NAV2: variants seen among roughly 807,000 people sequenced by gnomAD.
The protein encoded by NAV2 is helicase, APC down-regulated 1.
NAV2 carries 54 observed loss-of-function variants against 223.2 expected under a neutral mutation model. That is an observed-to-expected ratio of 0.24 (90% CI 0.19 to 0.30). The LOEUF is 0.30. Among genes scored for constraint, NAV2 ranks in the 10% least tolerant of loss-of-function variants. The pLI, the probability that NAV2 is intolerant of heterozygous loss-of-function variation, is 1.00. For synonymous variants in NAV2, 1,279 were observed against 1,239.3 expected (o/e 1.03, Z -0.67); for missense variants, 2,806 against 3,147.5 (o/e 0.89, Z 2.60).
At chr11:19,692,950 G>A (rs1397376700) in intron 1 of NAV2, among the ~76,000 whole-genome samples, 2 of 152,228 alleles carry the variant, frequency 1.3e-5, no homozygotes, top group Non-Finnish European at 2.9e-5. Flanking sequence ...GAACAGGGCA[G>A]CCAAGGCTGC....
At chr11:19,618,828 A>T (rs1383032208) in intron 1 of NAV2, among the ~76,000 whole-genome samples, 1 of 151,728 alleles carries the variant, frequency 6.6e-6, no homozygotes, top group Non-Finnish European at 1.5e-5. Context: ...GTAAGAAGGA[A>T]GATGGCCTCT....
chr11:19,991,435 A>G (rs189881254), intron 11 of NAV2, among the ~76,000 whole-genome samples: 186 of 152,224 alleles, frequency 1.2e-3, no homozygotes, highest in Middle Eastern at 0.01. Flanking sequence ...TCCAAGATAA[A>G]TACTCTAATT....
At chr11:19,444,489 T>C (rs1851512842) in intron 1 of NAV2, among the ~76,000 whole-genome samples, 1 of 152,162 alleles carries the variant, frequency 6.6e-6, no homozygotes, top group Non-Finnish European at 1.5e-5. Flanking sequence ...CTTGCTGTGG[T>C]TTAACCATGT....
intron 14 of NAV2, 150 bp downstream of exon 14, chr11:20,045,820 A>G: frequency 1.5e-6 from 1 of 674,292 alleles, no homozygotes; most frequent in South Asian, 2.0e-5. Flanking sequence ...GCAGTTTTGC[A>G]GTTGACTATT....
intron 1 of NAV2, among the ~76,000 whole-genome samples, chr11:19,686,336 G>T (rs1478658405): frequency 6.6e-6 from 1 of 152,162 alleles, no homozygotes; most frequent in Non-Finnish European, 1.5e-5. Context: ...GCTCCAGGAA[G>T]GTGGGATCCT....
At position 19,470,077 on chromosome 11, in the gene NAV2, G is replaced by A. The variant is rs1038613231; in HGVS notation, c.75+119050G>A. ...CTGCTCCACTGGGGCTGAGGTAGGGGTGGAAGACCTGGAAGAGCCAGTGAA... is the reference window on the plus strand; with the variant it reads ...CTGCTCCACTGGGGCTGAGGTAGGGATGGAAGACCTGGAAGAGCCAGTGAA... On this transcript the variant is annotated intron_variant, in intron 1 of 37. Transcript: ENST00000360655. Among the ~76,000 whole-genome samples, 6 of 152,356 alleles carry A rather than the reference G, an allele frequency of 3.9e-5. 2 individuals carry two copies. The highest frequency in any genetic ancestry group is 3.9e-4 in the Admixed American group (6 of 15,310).
At chr11:19,689,468 A>G (rs1178406965) in intron 1 of NAV2, among the ~76,000 whole-genome samples, 1 of 152,232 alleles carries the variant, frequency 6.6e-6, no homozygotes, top group Admixed American at 6.5e-5. Context: ...AGCTGGCCAC[A>G]AGGCTGGCAA....
chr11:19,425,070 A>C (rs951225312), intron 1 of NAV2, among the ~76,000 whole-genome samples: 7 of 152,190 alleles, frequency 4.6e-5, no homozygotes, highest in African/African-American at 1.4e-4. Flanking sequence ...CATTTGTGGA[A>C]TACAACCTTG....
intron 11 of NAV2, among the ~76,000 whole-genome samples, chr11:20,003,508 G>A (rs1229450555): frequency 2.6e-5 from 4 of 152,088 alleles, no homozygotes; most frequent in African/African-American, 4.8e-5. Flanking sequence ...TATACTGAGC[G>A]ACTCCCAGGG....
intron 1 of NAV2, among the ~76,000 whole-genome samples, chr11:19,387,733 G>A (rs993931659): frequency 2.0e-5 from 3 of 152,158 alleles, no homozygotes; most frequent in Non-Finnish European, 4.4e-5. Context: ...GAACAACTCT[G>A]TAGTCATTTG....
At chr11:19,524,476 C>T (rs1439082990) in intron 1 of NAV2, among the ~76,000 whole-genome samples, 1 of 152,192 alleles carries the variant, frequency 6.6e-6, no homozygotes, top group African/African-American at 2.4e-5. Context: ...TGACAGATGG[C>T]CCGGCTCTGC....
chr11:19,794,936 G>A (rs533611727), intron 1 of NAV2, among the ~76,000 whole-genome samples: 21 of 152,272 alleles, frequency 1.4e-4, no homozygotes, highest in Middle Eastern at 3.4e-3. Context: ...GAAAACAATT[G>A]CAATAAAGAC....
intron 36 of NAV2, 34 bp from the exon 37 acceptor site, chr11:20,114,558 A>G (rs754353516): frequency 6.2e-7 from 1 of 1,603,318 alleles, no homozygotes; most frequent in Non-Finnish European, 8.5e-7. Context: ...GATCTGGGCC[A>G]CTTCCAGACT....
Position 20,078,116 on chromosome 11 carries a change from G to C in NAV2, c.5179+12G>C. The C allele has an allele frequency of 6.3e-7, 1 of 1,599,916 alleles. No individual in the cohort carries two copies. The highest frequency in any genetic ancestry group is 8.6e-7 in the Non-Finnish European group (1 of 1,168,198). ...GCTCAACTGCAAAGGTAAAGTAAGG[G>C]AAACAGCCTTTAGCCAGAAGACCTG... is the stretch of plus-strand genomic sequence containing the variant. On this transcript the variant is annotated intron_variant, in intron 24 of 37. Transcript: ENST00000349880.
At chr11:19,549,968 G>A (rs2044636377) in intron 1 of NAV2, among the ~76,000 whole-genome samples, 1 of 152,240 alleles carries the variant, frequency 6.6e-6, no homozygotes, top group African/African-American at 2.4e-5. Flanking sequence ...AAGCAAAATA[G>A]GGGGGCCAGC....
chr11:19,468,888 A>G (rs956062301), intron 1 of NAV2, among the ~76,000 whole-genome samples: 5 of 152,328 alleles, frequency 3.3e-5, no homozygotes, highest in Admixed American at 3.3e-4. Context: ...TATAGATCAA[A>G]TAATGGTTTA....
At chr11:20,051,150 C>T in intron 16 of NAV2, 139 bp from the exon 17 acceptor site, 1 of 692,452 alleles carries the variant, frequency 1.4e-6, no homozygotes, top group Non-Finnish European at 2.6e-6. Context: ...TGTTGCATTG[C>T]ACGCCTAGCT....
intron 1 of NAV2, among the ~76,000 whole-genome samples, chr11:19,450,863 G>A (rs1851766381): frequency 6.6e-6 from 1 of 152,116 alleles, no homozygotes; most frequent in Non-Finnish European, 1.5e-5. Flanking sequence ...TGTTTCTGAA[G>A]CCTCCTCATT....
At chr11:20,118,006 G>A (rs2063270511) in intron 37 of NAV2, 127 bp from the exon 38 acceptor site, 9 of 1,035,458 alleles carry the variant, frequency 8.7e-6, no homozygotes, top group African/African-American at 6.5e-5. Context: ...CCATGTTCTT[G>A]TCCACTGCCT....
Sources: gnomAD v4.1 joint callset for allele counts (sites outside exome capture counted in the v4.1 genomes callset) on GRCh38, gnomAD v4.1.1 for gene constraint, MANE v1.5 for transcripts, NCBI Gene and HGNC (gene_info 2026-07-23, HGNC 2026-07-21) for gene names.